Variants in TNRC6B observed in about 807,000 individuals in gnomAD.
TNRC6B encodes trinucleotide repeat containing adaptor 6B.
Under a neutral mutation model 203.6 loss-of-function variants are expected in TNRC6B, and 52 were observed. The observed-to-expected ratio is 0.26, with a 90% CI of 0.20 to 0.32. The LOEUF is 0.32. Among genes scored for constraint, TNRC6B ranks in the 10% least tolerant of loss-of-function variants. TNRC6B has a pLI of 1.00. For missense variants in TNRC6B, 1,923 were observed against 2,286.2 expected, an observed-to-expected ratio of 0.84 and a Z score of 3.24; for synonymous variants, 838 against 845.7, an observed-to-expected ratio of 0.99 and a Z score of 0.16.
At chr22:40,062,212 A>T (rs1411942728) in intron 1 of TNRC6B, among the ~76,000 whole-genome samples, 1 of 151,960 alleles carries the variant, frequency 6.6e-6, no homozygotes, top group East Asian at 1.9e-4. Context: ...TTATTTATTT[A>T]TTTTTTGAGA....
chr22:40,273,473 C>T lies in TNRC6B; in HGVS notation c.3014C>T (p.Thr1005Ile), dbSNP rs1433362192. ...TGGGGGGAGAGTGACGGGCCAGTCACAGGAGCTCGCCATCCCAGCTGGGAA... is the reference window on the plus strand; with the variant it reads ...TGGGGGGAGAGTGACGGGCCAGTCATAGGAGCTCGCCATCCCAGCTGGGAA... ...DGWGESDGPV[T>I]GARHPSWEEE... Residue 1005 changes from threonine to isoleucine, a missense_variant, in exon 7 of 23, where the codon ACA (threonine) becomes ATA (isoleucine). Physicochemically the swap from Thr to Ile is moderately conservative, Grantham distance 89. Transcript: ENST00000454349. 3 of 1,609,668 alleles carry T rather than the reference C, an allele frequency of 1.9e-6. No homozygotes were observed. Among genetic ancestry groups the T allele is most frequent in the Admixed American group, 3.4e-5 (2 of 59,468 alleles).
intron 12 of TNRC6B, among the ~76,000 whole-genome samples, chr22:40,297,274 T>C (rs1185349423): frequency 6.6e-6 from 1 of 152,182 alleles, no homozygotes; most frequent in African/African-American, 2.4e-5. Context: ...GATCGTTTCA[T>C]ATTGAAAGGA....
In TNRC6B at chr22:40,266,675, C is replaced by G. The variant is rs752471966; in HGVS notation, c.2445C>G (p.Ser815=). Residue 815 remains serine, a synonymous_variant, in exon 5 of 23, where the codon TCC becomes TCG. Transcript: ENST00000454349. The part of the protein sequence containing the change: ...AWNETGRQPN[S]WNKQHQQQQP... ...ATGAGACGGGCCGACAGCCCAATTCCTGGAATAAACAACACCAACAGCAGC... is the reference window on the plus strand; with the variant it reads ...ATGAGACGGGCCGACAGCCCAATTCGTGGAATAAACAACACCAACAGCAGC... 1 of 1,613,656 alleles carries G rather than the reference C, an allele frequency of 6.2e-7. No individual in the cohort carries two copies. Among genetic ancestry groups the G allele is most frequent in the African/African-American group, 1.3e-5 (1 of 74,926 alleles).
intron 4 of TNRC6B, among the ~76,000 whole-genome samples, chr22:40,170,858 T>C (rs529231188): frequency 8.4e-6 from 1 of 118,348 alleles, no homozygotes. Context: ...TGTGTGTATA[T>C]ATACATATAT....
chr22:40,321,360 AAGTCTCG>A, intron 22 of TNRC6B, 131 bp downstream of exon 22: 1 of 1,124,422 alleles, frequency 8.9e-7, no homozygotes, highest in Non-Finnish European at 1.3e-6. Context: ...GTGCATCTGC[AAGTCTCG>A]AGTGTGGAGA....
chr22:40,049,217 C>G (rs2067723769), intron 1 of TNRC6B, among the ~76,000 whole-genome samples: 1 of 152,016 alleles, frequency 6.6e-6, no homozygotes, highest in Non-Finnish European at 1.5e-5. Context: ...CCAGGATGGT[C>G]TCGAACTCCC....
intron 12 of TNRC6B, among the ~76,000 whole-genome samples, chr22:40,289,565 GC>G (rs1601493167): frequency 6.6e-6 from 1 of 152,014 alleles, no homozygotes; most frequent in East Asian, 1.9e-4. Context: ...CCTGTGTTTG[GC>G]TTTTGGACAC....
At chr22:40,116,422 A>G in intron 1 of TNRC6B, among the ~76,000 whole-genome samples, 1 of 152,234 alleles carries the variant, frequency 6.6e-6, no homozygotes, top group East Asian at 1.9e-4. Context: ...ATGAATATAT[A>G]TTTCAGAGAG....
At chr22:40,309,721 A>T (rs189641796) in intron 16 of TNRC6B, among the ~76,000 whole-genome samples, 11 of 152,282 alleles carry the variant, frequency 7.2e-5, no homozygotes, top group Non-Finnish European at 1.6e-4. Flanking sequence ...TCAAAGGCAA[A>T]ATCTCTACTT....
chr22:40,254,931 A>G (rs141582931), intron 3 of TNRC6B, among the ~76,000 whole-genome samples: 327 of 152,308 alleles, frequency 2.1e-3, no homozygotes, highest in African/African-American at 7.4e-3. Flanking sequence ...GACATACAGT[A>G]TCCAGGAAGG....
At chr22:40,282,626 C>G (rs796614130) in intron 11 of TNRC6B, among the ~76,000 whole-genome samples, 6 of 152,244 alleles carry the variant, frequency 3.9e-5, no homozygotes, top group East Asian at 1.9e-4. Context: ...ACCAGCCAAA[C>G]TAGCCGAGCA....
intron 4 of TNRC6B, among the ~76,000 whole-genome samples, chr22:40,162,887 A>G (rs1227199546): frequency 6.6e-6 from 1 of 152,136 alleles, no homozygotes; most frequent in Admixed American, 6.6e-5. Flanking sequence ...GATAGTTTAT[A>G]CTCATGGAAT....
At chr22:40,052,403 T>C (rs2067754885) in intron 1 of TNRC6B, among the ~76,000 whole-genome samples, 1 of 151,640 alleles carries the variant, frequency 6.6e-6, no homozygotes, top group Admixed American at 6.6e-5. Context: ...CTCAGTGTTC[T>C]CATTTGTGTG....
intron 1 of TNRC6B, among the ~76,000 whole-genome samples, chr22:40,237,102 C>G (rs1171663413): frequency 6.6e-6 from 1 of 152,120 alleles, no homozygotes; most frequent in African/African-American, 2.4e-5. Context: ...GAGGCGGAGG[C>G]TGCAGTGAGC....
chr22:40,277,943 C>G (rs760676875), intron 8 of TNRC6B, 56 bp from the exon 9 acceptor site: 93 of 1,381,770 alleles, frequency 6.7e-5, no homozygotes, highest in Non-Finnish European at 7.6e-5. Context: ...AATGCCACTT[C>G]TTTGATTCAA....
chr22:40,135,763 A>G (rs537212356), intron 3 of TNRC6B, among the ~76,000 whole-genome samples: 1 of 152,194 alleles, frequency 6.6e-6, no homozygotes, highest in East Asian at 1.9e-4. Flanking sequence ...CGGCCTCCCA[A>G]AGTGCTGAGA....
intron 1 of TNRC6B, among the ~76,000 whole-genome samples, chr22:40,107,988 G>A (rs948183763): frequency 6.6e-6 from 1 of 151,478 alleles, no homozygotes; most frequent in Non-Finnish European, 1.5e-5. Context: ...GAACAGAATA[G>A]CAAACTCACA....
chr22:40,295,081 A>G (rs574833892), intron 12 of TNRC6B, among the ~76,000 whole-genome samples: 35 of 152,354 alleles, frequency 2.3e-4, no homozygotes, highest in Non-Finnish European at 4.6e-4. Flanking sequence ...GACAGAGTTG[A>G]TGGGTGGAGT....
intron 1 of TNRC6B, among the ~76,000 whole-genome samples, chr22:40,209,980 T>G (rs1408393744): frequency 6.7e-6 from 1 of 148,702 alleles, no homozygotes; most frequent in East Asian, 2.0e-4. Flanking sequence ...ATTGCATCGC[T>G]GCACTCTAGC....
Sources: gnomAD v4.1 joint callset for allele counts (sites outside exome capture counted in the v4.1 genomes callset) on GRCh38, gnomAD v4.1.1 for gene constraint, MANE v1.5 for transcripts, NCBI Gene and HGNC (gene_info 2026-07-23, HGNC 2026-07-21) for gene names.